The following POU6F2 variants were observed in gnomAD, a reference collection of about 807,000 sequenced individuals.
POU6F2 encodes the protein POU domain, class 6, transcription factor 2.
POU6F2 carries 31 observed loss-of-function variants against 71.3 expected under a neutral mutation model. That is an observed-to-expected ratio of 0.43 (90% confidence interval 0.33 to 0.59). POU6F2 has a LOEUF of 0.59. Ranked by LOEUF, POU6F2 falls within the 20% of genes least tolerant of loss-of-function variation. The pLI is 0.04. For missense variants in POU6F2, 783 were observed against 856.8 expected (o/e 0.91, Z 1.07); for synonymous variants, 347 against 355.7 (o/e 0.98, Z 0.27).
At chr7:38,988,069 A>G (rs1467285052) in intron 1 of POU6F2, among the ~76,000 whole-genome samples, 1 of 151,968 alleles carries the variant, frequency 6.6e-6, no homozygotes, top group Admixed American at 6.6e-5. Flanking sequence ...TCTTCTTTGA[A>G]CCCCACAGCT....
At chr7:39,373,624 A>G in intron 5 of POU6F2, 1 of 420,736 alleles carries the variant, frequency 2.4e-6, no homozygotes, top group South Asian at 1.7e-5. Context: ...TTACTGGAGA[A>G]GCAATAATTT....
chr7:39,331,790 C>T (rs1317862967), intron 4 of POU6F2, among the ~76,000 whole-genome samples: 2 of 152,192 alleles, frequency 1.3e-5, no homozygotes, highest in Non-Finnish European at 2.9e-5. Context: ...GGATTACAGG[C>T]GTGAGCCACC....
At chr7:39,191,201 G>C (rs1793657217) in intron 2 of POU6F2, among the ~76,000 whole-genome samples, 1 of 152,188 alleles carries the variant, frequency 6.6e-6, no homozygotes, top group South Asian at 2.1e-4. Context: ...TGCAAATTGG[G>C]ATGTGCCTTA....
intron 2 of POU6F2, among the ~76,000 whole-genome samples, chr7:39,194,318 A>C (rs1246726260): frequency 6.6e-6 from 1 of 152,252 alleles, no homozygotes; most frequent in Non-Finnish European, 1.5e-5. Context: ...TTGTCTTGAG[A>C]TCGAGAACAC....
At chr7:39,068,563 A>G (rs1790810154) in intron 1 of POU6F2, among the ~76,000 whole-genome samples, 1 of 151,788 alleles carries the variant, frequency 6.6e-6, no homozygotes, top group Non-Finnish European at 1.5e-5. Context: ...CTCAGGGAAA[A>G]TATGGCTTTA....
intron 4 of POU6F2, among the ~76,000 whole-genome samples, chr7:39,281,887 C>T (rs1784569997): frequency 6.6e-6 from 1 of 152,076 alleles, no homozygotes; most frequent in Non-Finnish European, 1.5e-5. Context: ...ATACTGTTTT[C>T]CAAAATGGCT....
chr7:39,202,554 AC>A (rs1793926127), intron 2 of POU6F2, among the ~76,000 whole-genome samples: 1 of 152,216 alleles, frequency 6.6e-6, no homozygotes, highest in Non-Finnish European at 1.5e-5. Flanking sequence ...TCTTTGAAGT[AC>A]ATAAATTTCT....
At chr7:39,250,987 A>G (rs62453440) in intron 4 of POU6F2, among the ~76,000 whole-genome samples, 3,989 of 152,332 alleles carry the variant, frequency 0.026, 81 homozygotes, top group Non-Finnish European at 0.036. Flanking sequence ...GAGGCCTGCT[A>G]ACCTGGAGGG....
intron 4 of POU6F2, among the ~76,000 whole-genome samples, chr7:39,311,425 C>T (rs916576961): frequency 1.3e-5 from 2 of 152,158 alleles, no homozygotes; most frequent in Non-Finnish European, 2.9e-5. Context: ...ATATAGTGTA[C>T]CTACTTATGA....
At chr7:39,297,202 C>CACACACAG (rs1036139425) in intron 4 of POU6F2, among the ~76,000 whole-genome samples, 4 of 133,082 alleles carry the variant, frequency 3.0e-5, no homozygotes, top group Non-Finnish European at 5.1e-5. Context: ...CACATACACA[C>CACACACAG]ACACACACAC....
rs183056235 is a variant in POU6F2, at chr7:38,998,737, G to A, written c.105+20679G>A. The stretch of plus-strand genomic sequence containing the variant: ...ATGATCTCGGCTCACTGCAAGCTCC[G>A]CCTCCAAGTTCAAGCAATTCTCCTG... On this transcript the variant is annotated intron_variant, in intron 1 of 9. Transcript: ENST00000518318. 2.6e-3 allele frequency among the ~76,000 whole-genome samples: 385 copies of A among 149,510 alleles called. 2 individuals carry two copies. The highest frequency in any genetic ancestry group is 0.014 in the Middle Eastern group (4 of 290).
chr7:39,045,127 C>A (rs914227998), intron 1 of POU6F2, among the ~76,000 whole-genome samples: 2 of 151,942 alleles, frequency 1.3e-5, no homozygotes, highest in African/African-American at 4.8e-5. Context: ...AGGCTGTAAA[C>A]CCTGTAGTTA....
chr7:39,346,322 T>C (rs930803330), intron 5 of POU6F2, among the ~76,000 whole-genome samples: 1 of 152,180 alleles, frequency 6.6e-6, no homozygotes, highest in Non-Finnish European at 1.5e-5. Context: ...GAAAGGGGTT[T>C]AACAAAGCAG....
chr7:39,188,709 A>C (rs538517067), intron 2 of POU6F2, among the ~76,000 whole-genome samples: 1 of 152,340 alleles, frequency 6.6e-6, no homozygotes, highest in South Asian at 2.1e-4. Context: ...CTAATTTTCT[A>C]AAGTCTAGGC....
At chr7:39,449,677 G>C (rs923448721) in intron 7 of POU6F2, among the ~76,000 whole-genome samples, 5 of 152,004 alleles carry the variant, frequency 3.3e-5, no homozygotes, top group African/African-American at 1.2e-4. Flanking sequence ...ATTCATCATA[G>C]CCCCAAACTG....
intron 2 of POU6F2, among the ~76,000 whole-genome samples, chr7:39,160,135 G>A (rs889153173): frequency 5.3e-5 from 8 of 152,194 alleles, no homozygotes; most frequent in Admixed American, 2.0e-4. Flanking sequence ...GAGGGTTTCC[G>A]AAGGAGGCTG....
At chr7:39,169,897 G>A (rs1380839876) in intron 2 of POU6F2, among the ~76,000 whole-genome samples, 1 of 151,990 alleles carries the variant, frequency 6.6e-6, no homozygotes, top group African/African-American at 2.4e-5. Flanking sequence ...GAATTCAAAG[G>A]TAAGGCTGGG....
Position 39,249,936 on chromosome 7 carries a change from G to A in POU6F2, c.598+42316G>A, listed in dbSNP as rs1783884661. 2.6e-5 allele frequency among the ~76,000 whole-genome samples: 4 copies of A among 152,002 alleles called. No homozygotes were observed. In the South Asian group the frequency reaches 8.3e-4, roughly 32 times the overall value. ...CCTTTCACTTTGTAGACTCTCCTTT[G>A]GTCAGATGACACATGATGTGAACAT... On this transcript the variant is annotated intron_variant, in intron 4 of 9. Coordinates refer to ENST00000518318, the MANE Select transcript of POU6F2 (RefSeq NM_001370959.1).
At chr7:39,394,136 T>G (rs530229206) in intron 5 of POU6F2, among the ~76,000 whole-genome samples, 2 of 152,366 alleles carry the variant, frequency 1.3e-5, no homozygotes, top group African/African-American at 4.8e-5. Flanking sequence ...TTCTAATTAA[T>G]TTTTAACATT....
Sources: allele counts gnomAD v4.1 joint callset (sites outside exome capture counted in the v4.1 genomes callset), GRCh38; gene constraint gnomAD v4.1.1; transcripts MANE v1.5; gene names NCBI Gene and HGNC (gene_info 2026-07-23, HGNC 2026-07-21).